BEND7: variants seen among roughly 807,000 people sequenced by gnomAD.
BEND7 encodes the protein BEN domain containing 7, also known as BEN domain-containing protein 7.
Under a neutral mutation model 50.9 loss-of-function variants are expected in BEND7, and 28 were observed. The observed-to-expected ratio is 0.55, with a 90% CI of 0.41 to 0.75. The LOEUF (loss-of-function observed/expected upper bound fraction) is 0.75, where lower values mean the gene tolerates loss of function less well. BEND7 is among the 30% of genes least tolerant of loss of function. The pLI, the probability that BEND7 is intolerant of heterozygous loss-of-function variation, is 0.00. For missense variants in BEND7, 477 were observed against 491.3 expected (o/e 0.97, Z 0.28); for synonymous variants, 170 against 183.9 (o/e 0.92, Z 0.61).
intron 6 of BEND7, among the ~76,000 whole-genome samples, chr10:13,478,387 T>G (rs1295238447): frequency 1.3e-5 from 2 of 152,224 alleles, no homozygotes; most frequent in African/African-American, 4.8e-5. Context: ...AAAGCAGCAT[T>G]TCTTAAGGTA....
intron 4 of BEND7, among the ~76,000 whole-genome samples, chr10:13,493,754 C>A (rs896655224): frequency 8.5e-5 from 13 of 152,192 alleles, no homozygotes; most frequent in African/African-American, 3.1e-4. Flanking sequence ...TAAAAATACT[C>A]TCTTGGAAAG....
At chr10:13,497,994 T>C (rs1284961438) in intron 3 of BEND7, among the ~76,000 whole-genome samples, 6 of 152,260 alleles carry the variant, frequency 3.9e-5, no homozygotes, top group Non-Finnish European at 7.4e-5. Context: ...AAAATTGTAA[T>C]GTTACAACTT....
chr10:13,478,716 T>C (rs1024439627), intron 6 of BEND7, among the ~76,000 whole-genome samples: 4 of 152,192 alleles, frequency 2.6e-5, no homozygotes, highest in African/African-American at 9.6e-5. Context: ...AATCAAAATA[T>C]ATGTCTATGA....
At chr10:13,440,619 G>A (rs532174888), downstream of BEND7, among the ~76,000 whole-genome samples, 157 of 152,316 alleles carry the variant, frequency 1.0e-3, no homozygotes, top group African/African-American at 3.7e-3. Flanking sequence ...GCCCGCGGGA[G>A]GCGGCGGGGG....
intron 5 of BEND7, among the ~76,000 whole-genome samples, chr10:13,488,298 CT>C (rs2076390547): frequency 1.3e-5 from 2 of 151,524 alleles, no homozygotes; most frequent in South Asian, 4.2e-4. Flanking sequence ...TTTCACCAAG[CT>C]GAAAAACAAG....
chr10:13,513,036 C>T (rs969942418), intron 2 of BEND7, among the ~76,000 whole-genome samples: 1 of 152,190 alleles, frequency 6.6e-6, no homozygotes, highest in African/African-American at 2.4e-5. Context: ...GATATGTATA[C>T]CATGCACACA....
At chr10:13,468,356 G>A (rs918377273) in intron 6 of BEND7, among the ~76,000 whole-genome samples, 4 of 152,066 alleles carry the variant, frequency 2.6e-5, no homozygotes, top group Non-Finnish European at 2.9e-5. Context: ...AGGGCACCAC[G>A]GCCCTGTGGA....
Position 13,441,369 on chromosome 10 carries a change from C to T in BEND7, c.*374G>A. On this transcript the variant is annotated 3_prime_UTR_variant, in exon 9 of 9. Coordinates refer to ENST00000466271, the MANE Select transcript of BEND7 (RefSeq NM_001369863.1). ...CTGAACAGTAGTCACAGTAAGTAAA[C>T]ACAATTTTAATTTACAAAATATGAT... is the stretch of plus-strand genomic sequence containing the variant. 9.5e-7 allele frequency: 1 copy of T among 1,054,596 alleles called. No homozygotes were observed. Among genetic ancestry groups the T allele is most frequent in the African/African-American group, 1.7e-5 (1 of 59,782 alleles). The allele number at this position is 1,054,596 out of a possible 1,614,324, so 65.3% of individuals were successfully genotyped here.
intron 6 of BEND7, among the ~76,000 whole-genome samples, chr10:13,464,106 C>G (rs1311243080): frequency 2.0e-5 from 3 of 152,256 alleles, no homozygotes; most frequent in Non-Finnish European, 4.4e-5. Context: ...TTGAGAGCCA[C>G]TTGATAATGC....
chr10:13,509,862 G>A (rs945020637), intron 2 of BEND7, among the ~76,000 whole-genome samples: 1 of 152,252 alleles, frequency 6.6e-6, no homozygotes, highest in African/African-American at 2.4e-5. Context: ...GATCAATGAA[G>A]GTTTTTGTAA....
intron 5 of BEND7, among the ~76,000 whole-genome samples, chr10:13,481,954 C>T (rs2075892798): frequency 6.6e-6 from 1 of 152,236 alleles, no homozygotes; most frequent in South Asian, 2.1e-4. Flanking sequence ...AGGTTTACAG[C>T]TCACCTTTGA....
At chr10:13,500,927 C>G (rs1487466804) in intron 2 of BEND7, 2 of 747,724 alleles carry the variant, frequency 2.7e-6, no homozygotes, top group African/African-American at 3.8e-5. Flanking sequence ...TGCGAAAGGT[C>G]ACAGGCCACT....
At chr10:13,452,254 A>G (rs936636902) in intron 7 of BEND7, among the ~76,000 whole-genome samples, 10 of 152,170 alleles carry the variant, frequency 6.6e-5, no homozygotes, top group Non-Finnish European at 1.0e-4. Flanking sequence ...TAAAAGAGAG[A>G]ACCGGTTTTC....
At chr10:13,477,644 A>G (rs2075554601) in intron 6 of BEND7, among the ~76,000 whole-genome samples, 1 of 152,248 alleles carries the variant, frequency 6.6e-6, no homozygotes, top group African/African-American at 2.4e-5. Context: ...GCTATATTCA[A>G]ATTTATATTC....
rs557996640 is a variant in BEND7, at chr10:13,515,156, G to C, written c.145+10982C>G. On this transcript the variant is annotated intron_variant, in intron 2 of 8. Transcript: ENST00000466271. The stretch of plus-strand genomic sequence containing the variant: ...CCATTTCAACAATGAGAAATGCTGC[G>C]AGAGACACAGACACCTGCATTACAT... Among the ~76,000 whole-genome samples, 105 of 152,252 alleles carry C rather than the reference G, an allele frequency of 6.9e-4. 1 individual carries two copies. Among genetic ancestry groups the C allele is most frequent in the African/African-American group, 2.5e-3 (104 of 41,546 alleles).
In BEND7 at chr10:13,452,640, C is replaced by T. The variant is rs201988926; in HGVS notation, c.1082G>A (p.Cys361Tyr). 4 of 1,600,262 alleles carry T rather than the reference C, an allele frequency of 2.5e-6. No homozygotes were observed. The highest frequency in any genetic ancestry group is 3.4e-6 in the Non-Finnish European group (4 of 1,173,762). Residue 361 changes from cysteine (C) to tyrosine (Y), a missense_variant, in exon 7 of 9, where the codon TGT becomes TAT. Transcript: ENST00000466271. ...AAGCTTATCCACATGGTTAGCTGTA[C>T]AGTACTTTTCTGTGAAGACTGAAAG... ...GAIKVFTEKYCTANHVDKLPG... is the reference protein window; with the variant it reads ...GAIKVFTEKYYTANHVDKLPG...
At chr10:13,527,713 G>C in intron 1 of BEND7, 4 of 422,814 alleles carry the variant, frequency 9.5e-6, no homozygotes, top group Non-Finnish European at 1.3e-5. Context: ...TGGCTCTTGA[G>C]TTATCATTTT....
At chr10:13,445,500 T>A (rs1032045926) in intron 8 of BEND7, 2 of 152,060 alleles carry the variant, frequency 1.3e-5, no homozygotes, top group Non-Finnish European at 1.5e-5. Context: ...GGCCAGGCCG[T>A]CAACCAGCTG....
At chr10:13,516,950 T>C (rs757174771) in intron 2 of BEND7, among the ~76,000 whole-genome samples, 2 of 152,206 alleles carry the variant, frequency 1.3e-5, no homozygotes, top group Non-Finnish European at 2.9e-5. Flanking sequence ...TTGAAGATTT[T>C]TGTGACCATA....
Sources: allele counts gnomAD v4.1 joint callset (sites outside exome capture counted in the v4.1 genomes callset), GRCh38; gene constraint gnomAD v4.1.1; transcripts MANE v1.5; gene names NCBI Gene and HGNC (gene_info 2026-07-23, HGNC 2026-07-21).